CMAS: variants seen among roughly 807,000 people sequenced by gnomAD.
The protein encoded by CMAS is N-acylneuraminate cytidylyltransferase.
CMAS carries 21 observed loss-of-function variants against 53.4 expected under a neutral mutation model. That is an observed-to-expected ratio of 0.39 (90% confidence interval 0.28 to 0.57). The LOEUF (loss-of-function observed/expected upper bound fraction) is 0.57. Among genes scored for constraint, CMAS ranks in the 20% least tolerant of loss-of-function variants. CMAS has a pLI of 0.56. For synonymous variants in CMAS, 189 were observed against 195.2 expected (o/e 0.97, Z 0.27); for missense variants, 384 against 534.9 (o/e 0.72, Z 2.78).
chr12:22,062,122 T>A (rs1355160552), intron 6 of CMAS, among the ~76,000 whole-genome samples, 159 bp from the exon 7 acceptor site: 1 of 152,212 alleles, frequency 6.6e-6, no homozygotes, highest in East Asian at 1.9e-4. Context: ...TGATTTTAAT[T>A]CGACAGTCAG....
At chr12:22,054,241 G>C (rs937869816) in intron 1 of CMAS, among the ~76,000 whole-genome samples, 4 of 152,098 alleles carry the variant, frequency 2.6e-5, no homozygotes, top group Admixed American at 2.6e-4. Context: ...ATTGTGGCTA[G>C]AGTAGTATTT....
chr12:22,057,699 C>T (rs975200632), intron 3 of CMAS, among the ~76,000 whole-genome samples: 2 of 152,036 alleles, frequency 1.3e-5, no homozygotes, highest in Admixed American at 6.6e-5. Context: ...CCTCCCAAAG[C>T]ATAATATTTG....
At chr12:22,057,274 C>CACAG (rs1252494937) in intron 3 of CMAS, among the ~76,000 whole-genome samples, 66 of 147,320 alleles carry the variant, frequency 4.5e-4, no homozygotes, top group Admixed American at 3.4e-4. Context: ...CACACACACA[C>CACAG]AGATTTGAGG....
chr12:22,060,986 T>G, intron 5 of CMAS, 60 bp downstream of exon 5: 1 of 1,024,284 alleles, frequency 9.8e-7, no homozygotes, highest in Non-Finnish European at 1.5e-6. Context: ...TATTTCTAGA[T>G]ACTGATTTCT....
intron 7 of CMAS, chr12:22,064,068 TACTA>T (rs572332928): frequency 5.9e-5 from 9 of 152,336 alleles, no homozygotes; most frequent in Middle Eastern, 3.4e-3. Context: ...ATTATGCAAA[TACTA>T]ACTTTTTTTA....
intron 1 of CMAS, among the ~76,000 whole-genome samples, chr12:22,052,239 G>A (rs1414723619): frequency 2.6e-5 from 4 of 152,160 alleles, no homozygotes; most frequent in African/African-American, 9.7e-5. Context: ...ATTGGCCTCA[G>A]TCTCCATCAG....
At chr12:22,048,199 G>C (rs768282046) in intron 1 of CMAS, among the ~76,000 whole-genome samples, 1 of 152,174 alleles carries the variant, frequency 6.6e-6, no homozygotes, top group Non-Finnish European at 1.5e-5. Context: ...TAGAGCTTAC[G>C]TTATAATAAG....
chr12:22,057,240 T>TACACAC (rs71053372), intron 3 of CMAS, among the ~76,000 whole-genome samples: 1,295 of 118,052 alleles, frequency 0.011, 22 homozygotes, highest in African/African-American at 0.054. Context: ...CACACACACA[T>TACACAC]ACACACACAC....
intron 3 of CMAS, among the ~76,000 whole-genome samples, chr12:22,058,211 G>A (rs1368166280): frequency 1.3e-5 from 2 of 151,284 alleles, no homozygotes; most frequent in Admixed American, 6.6e-5. Flanking sequence ...CGGATCACGA[G>A]GTCAGGAGTT....
chr12:22,063,428 A>G (rs532956331), intron 7 of CMAS, among the ~76,000 whole-genome samples: 3 of 152,304 alleles, frequency 2.0e-5, no homozygotes, highest in Admixed American at 6.5e-5. Context: ...TATACTTATT[A>G]TCTTTCTTTG....
chr12:22,061,417 A>G lies in CMAS; in HGVS notation c.925A>G (p.Ile309Val), dbSNP rs1347587900. 3 of 1,601,676 alleles carry G rather than the reference A, an allele frequency of 1.9e-6. No homozygotes were observed. The highest frequency in any genetic ancestry group is 2.7e-5 in the African/African-American group (2 of 74,466). Reference sequence around the variant, plus strand: ...AATATCTTATGATGTAAAAGATGCTATTGGGATAAGTTTATTAAAGAAAAG... The same window carrying G: ...AATATCTTATGATGTAAAAGATGCTGTTGGGATAAGTTTATTAAAGAAAAG... ...EIISYDVKDA[I>V]GISLLKKSGI... The change falls in exon 6 of 8, where the codon ATT becomes GTT. Residue 309 changes from isoleucine to valine, a missense_variant. Ile to Val is a conservative substitution (Grantham distance 29). This residue lies in a region of CMAS where 134 missense variants were observed against 154.6 expected (regional missense o/e 0.87). Transcript: ENST00000229329.
chr12:22,062,569 C>T (rs1047465480), intron 7 of CMAS, 135 bp downstream of exon 7: 2 of 843,776 alleles, frequency 2.4e-6, no homozygotes, highest in African/African-American at 1.8e-5. Context: ...ACAAACACTG[C>T]TGATCAAACT....
At position 22,060,864 on chromosome 12, in the gene CMAS, T is replaced by C. The variant is rs1235652279; in HGVS notation, c.726T>C (p.Ala242=). 1 of 1,611,490 alleles carries C rather than the reference T, an allele frequency of 6.2e-7. No individual in the cohort carries two copies. The highest frequency in any genetic ancestry group is 1.3e-5 in the African/African-American group (1 of 74,966). The change falls in exon 5 of 8, where the codon GCT becomes GCC. Residue 242 remains alanine, a synonymous_variant. Coordinates refer to ENST00000229329, the MANE Select transcript of CMAS (RefSeq NM_018686.6). Reference sequence around the variant, plus strand: ...AAATGGCATACTACGAAATGCGAGCTGAACATAGTGTGGATATAGATGTGG... The same window carrying C: ...AAATGGCATACTACGAAATGCGAGCCGAACATAGTGTGGATATAGATGTGG... The part of the protein sequence containing the change: ...GGKMAYYEMR[A]EHSVDIDVDI...
intron 1 of CMAS, among the ~76,000 whole-genome samples, chr12:22,050,401 A>G (rs894356174): frequency 2.6e-5 from 4 of 152,240 alleles, no homozygotes; most frequent in Admixed American, 2.0e-4. Flanking sequence ...TGCCTGGCAC[A>G]TAGTATGTAA....
intron 1 of CMAS, 77 bp downstream of exon 1, chr12:22,046,640 G>A (rs992425247): frequency 4.1e-5 from 56 of 1,377,920 alleles, no homozygotes; most frequent in Non-Finnish European, 5.2e-5. Flanking sequence ...AGGGGCTGGG[G>A]CCTCCGGGGC....
In CMAS at chr12:22,051,681, A is replaced by G. The variant is rs983628778; in HGVS notation, c.261-3468A>G. Reference sequence around the variant, plus strand: ...TATGATCATAGTATTTTAAGTGTACATATGGGATACTGTTTTCATATTTTT... The same window carrying G: ...TATGATCATAGTATTTTAAGTGTACGTATGGGATACTGTTTTCATATTTTT... On this transcript the variant is annotated intron_variant, in intron 1 of 7. Transcript: ENST00000229329. 5.3e-5 allele frequency among the ~76,000 whole-genome samples: 8 copies of G among 152,220 alleles called. No individual in the cohort carries two copies. In the East Asian group the frequency reaches 5.8e-4, roughly 11 times the overall value.
intron 1 of CMAS, among the ~76,000 whole-genome samples, chr12:22,050,974 T>C (rs11046275): frequency 0.46 from 69,972 of 151,864 alleles, 18,888 homozygotes; most frequent in Non-Finnish European, 0.62. Context: ...TCCTACCCTC[T>C]CTTTTGTTTC....
intron 1 of CMAS, among the ~76,000 whole-genome samples, chr12:22,049,572 T>C (rs1304622385): frequency 1.3e-5 from 2 of 152,224 alleles, no homozygotes; most frequent in Non-Finnish European, 1.5e-5. Flanking sequence ...TAATGTTTTA[T>C]ACTTCTTCAA....
chr12:22,049,887 A>G (rs1950229728), intron 1 of CMAS, among the ~76,000 whole-genome samples: 1 of 149,944 alleles, frequency 6.7e-6, no homozygotes, highest in African/African-American at 2.5e-5. Context: ...CCTGGGCAAC[A>G]GAGCAAGACT....
Sources: gnomAD v4.1 joint callset for allele counts (sites outside exome capture counted in the v4.1 genomes callset) on GRCh38, gnomAD v4.1.1 for gene constraint, gnomAD v4.1.1 regional missense constraint, MANE v1.5 for transcripts, NCBI Gene and HGNC (gene_info 2026-07-23, HGNC 2026-07-21) for gene names.